Variants in CHST9 observed in about 807,000 individuals in gnomAD.
The protein encoded by CHST9 is carbohydrate sulfotransferase 9.
CHST9 carries 41 observed loss-of-function variants against 44.4 expected under a neutral mutation model. The ratio of observed to expected loss-of-function variants is 0.92; its 90% CI spans 0.72 to 1.20. The LOEUF (loss-of-function observed/expected upper bound fraction) is 1.20, where lower values mean the gene tolerates loss of function less well. Ranked by LOEUF, CHST9 falls within the 50% of genes most tolerant of loss-of-function variation. The pLI is 0.00. For synonymous variants in CHST9, 171 were observed against 178.4 expected, an observed-to-expected ratio of 0.96 and a Z score of 0.33; for missense variants, 504 against 516.5, an observed-to-expected ratio of 0.98 and a Z score of 0.23.
intron 3 of CHST9, among the ~76,000 whole-genome samples, chr18:27,030,846 T>C (rs1003757699): frequency 6.6e-6 from 1 of 152,246 alleles, no homozygotes; most frequent in Non-Finnish European, 1.5e-5. Context: ...TCAGCTTCTC[T>C]GAGCCCTCAT....
chr18:27,159,768 AT>A (rs2091591868), intron 1 of CHST9, among the ~76,000 whole-genome samples: 1 of 152,020 alleles, frequency 6.6e-6, no homozygotes, highest in African/African-American at 2.4e-5. Flanking sequence ...ATTTGTTTGT[AT>A]CCTCTTTTAT....
At chr18:26,946,592 C>CGCTG (rs1282772424) in intron 4 of CHST9, among the ~76,000 whole-genome samples, 1 of 152,188 alleles carries the variant, frequency 6.6e-6, no homozygotes, top group Non-Finnish European at 1.5e-5. Context: ...GAATAGCATG[C>CGCTG]ACAGCCTATG....
intron 4 of CHST9, among the ~76,000 whole-genome samples, chr18:26,948,698 A>G (rs1234634602): frequency 6.6e-6 from 1 of 152,218 alleles, no homozygotes; most frequent in Non-Finnish European, 1.5e-5. Context: ...AGTTACTTTA[A>G]TGCTCTGGCT....
chr18:27,157,978 A>T (rs1427292888), intron 1 of CHST9, among the ~76,000 whole-genome samples: 1 of 152,142 alleles, frequency 6.6e-6, no homozygotes, highest in East Asian at 1.9e-4. Context: ...TCATGCATTG[A>T]TCTCTACTCC....
intron 1 of CHST9, among the ~76,000 whole-genome samples, chr18:27,155,821 T>C (rs1314703504): frequency 6.6e-6 from 1 of 152,060 alleles, no homozygotes; most frequent in Non-Finnish European, 1.5e-5. Flanking sequence ...CCAAGCATGA[T>C]TAAATGGACA....
In CHST9 at chr18:27,091,440, T is replaced by C. The variant is rs555403843; in HGVS notation, c.122-42937A>G. On this transcript the variant is annotated intron_variant, in intron 2 of 5. Transcript: ENST00000618847. ...TTCCTAATCGAATACCCTTTATTTC[T>C]TCCTCTTGCCTGATTGCCCTGGCCA... Among the ~76,000 whole-genome samples the C allele has an allele frequency of 2.6e-5, 4 of 152,294 alleles. No individual in the cohort carries two copies. The South Asian group carries it at 8.3e-4, about 32-fold the overall frequency.
At chr18:27,095,374 C>T (rs1417586622) in intron 2 of CHST9, among the ~76,000 whole-genome samples, 1 of 152,050 alleles carries the variant, frequency 6.6e-6, no homozygotes, top group Non-Finnish European at 1.5e-5. Context: ...ATAAGGCAAC[C>T]ACACAATAGA....
At chr18:27,157,977 G>T (rs933030409) in intron 1 of CHST9, among the ~76,000 whole-genome samples, 1 of 152,040 alleles carries the variant, frequency 6.6e-6, no homozygotes, top group East Asian at 1.9e-4. Context: ...CTCATGCATT[G>T]ATCTCTACTC....
chr18:27,002,807 A>G (rs1263356080), intron 4 of CHST9, among the ~76,000 whole-genome samples: 1 of 152,190 alleles, frequency 6.6e-6, no homozygotes, highest in Admixed American at 6.5e-5. Context: ...ATGTTAAGAA[A>G]TTATGCAATG....
intron 4 of CHST9, among the ~76,000 whole-genome samples, chr18:26,979,611 CTCTTCT>C (rs1213888825): frequency 3.9e-5 from 6 of 152,136 alleles, no homozygotes; most frequent in African/African-American, 1.2e-4. Context: ...GAATCCATCT[CTCTTCT>C]TCTTCTAAGA....
In CHST9 at chr18:26,917,386, A is replaced by C. The variant is rs186777689; in HGVS notation, c.241-36T>G. The C allele has an allele frequency of 2.6e-5, 41 of 1,588,498 alleles. No individual in the cohort carries two copies. In the East Asian group the frequency reaches 2.9e-4, roughly 11 times the overall value. ...AAAGAAGGAGAAATGTTGAAAGCACAGTCACGAGTGTGGGTATACTGGATA... is the reference window on the plus strand; with the variant it reads ...AAAGAAGGAGAAATGTTGAAAGCACCGTCACGAGTGTGGGTATACTGGATA... On this transcript the variant is annotated intron_variant, in intron 5 of 5. Coordinates refer to ENST00000618847, the MANE Select transcript of CHST9 (RefSeq NM_031422.6).
intron 4 of CHST9, among the ~76,000 whole-genome samples, chr18:26,966,040 A>C (rs925061282): frequency 6.6e-6 from 1 of 152,376 alleles, no homozygotes; most frequent in African/African-American, 2.4e-5. Flanking sequence ...AAAAGTAAAT[A>C]GTTTATTCAT....
chr18:26,938,894 G>C (rs537606416), intron 5 of CHST9, among the ~76,000 whole-genome samples: 63 of 152,290 alleles, frequency 4.1e-4, no homozygotes, highest in African/African-American at 1.5e-3. Flanking sequence ...TGCCTTATAA[G>C]AATCAATGAC....
chr18:27,023,183 G>GAAT (rs1464421521), intron 4 of CHST9, among the ~76,000 whole-genome samples: 1 of 152,084 alleles, frequency 6.6e-6, no homozygotes, highest in Admixed American at 6.6e-5. Flanking sequence ...AAAGAAAATG[G>GAAT]AATAATATAT....
chr18:27,160,102 T>A (rs1256840657), intron 1 of CHST9, among the ~76,000 whole-genome samples: 9 of 152,170 alleles, frequency 5.9e-5, no homozygotes, highest in Non-Finnish European at 1.2e-4. Context: ...ACCCTTTATT[T>A]CCTTCTCCTG....
At chr18:27,001,093 C>T (rs1468056279) in intron 4 of CHST9, among the ~76,000 whole-genome samples, 1 of 152,086 alleles carries the variant, frequency 6.6e-6, no homozygotes, top group Admixed American at 6.5e-5. Flanking sequence ...CAACTAACTC[C>T]CTAGGGGAAT....
At chr18:27,163,968 A>T (rs1039575975) in intron 1 of CHST9, among the ~76,000 whole-genome samples, 13 of 152,102 alleles carry the variant, frequency 8.5e-5, no homozygotes, top group Non-Finnish European at 1.9e-4. Flanking sequence ...CCCTTGTTTC[A>T]CACAAAGTTT....
At chr18:26,956,325 AAAT>A (rs1284105410) in intron 4 of CHST9, among the ~76,000 whole-genome samples, 67 of 134,652 alleles carry the variant, frequency 5.0e-4, no homozygotes, top group African/African-American at 2.0e-3. Flanking sequence ...AAAAAAAAAA[AAAT>A]ATATATATAT....
intron 1 of CHST9, among the ~76,000 whole-genome samples, chr18:27,174,722 C>T (rs1376743282): frequency 6.6e-6 from 1 of 152,000 alleles, no homozygotes; most frequent in Non-Finnish European, 1.5e-5. Context: ...GCCTTTCCTT[C>T]TCTCCACCCA....
Sources: gnomAD v4.1 joint callset for allele counts (sites outside exome capture counted in the v4.1 genomes callset) on GRCh38, gnomAD v4.1.1 for gene constraint, MANE v1.5 for transcripts, NCBI Gene and HGNC (gene_info 2026-07-23, HGNC 2026-07-21) for gene names.